Variants in NYAP2 observed in about 807,000 individuals in gnomAD.
NYAP2 encodes neuronal tyrosine-phosphorylated phosphoinositide-3-kinase adaptor 2.
NYAP2 carries 23 observed loss-of-function variants against 50.4 expected under a neutral mutation model. That is an observed-to-expected ratio of 0.46 (90% confidence interval 0.33 to 0.65). The LOEUF is 0.65. NYAP2 is among the 30% of genes least tolerant of loss of function. The probability of loss-of-function intolerance (pLI) is 0.02; values close to 1 mark genes in which losing one functional copy is unlikely to be tolerated. For synonymous variants in NYAP2, 394 were observed against 365.2 expected (o/e 1.08, Z -0.90); for missense variants, 885 against 861.0 (o/e 1.03, Z -0.35).
In NYAP2 at chr2:225,444,818, G is replaced by C. The variant is rs1270374576; in HGVS notation, c.221+35717G>C. Among the ~76,000 whole-genome samples, 9 of 152,158 alleles carry C rather than the reference G, an allele frequency of 5.9e-5. 1 individual carries two copies. The stretch of plus-strand genomic sequence containing the variant: ...CATTTCTCCAATCTACTCTGGAAAT[G>C]TTAATAATGTATATAATAGCATGTT... On this transcript the variant is annotated intron_variant, in intron 3 of 6. Coordinates refer to ENST00000636099, the Ensembl canonical transcript of NYAP2.
chr2:225,442,536 A>G (rs1005964279), intron 3 of NYAP2, among the ~76,000 whole-genome samples: 1 of 152,170 alleles, frequency 6.6e-6, no homozygotes, highest in Admixed American at 6.5e-5. Context: ...TGAGATGGTA[A>G]TTTATAAAGA....
chr2:225,676,909 G>T, the NYAP2 span, among the ~76,000 whole-genome samples: 3 of 152,152 alleles, frequency 2.0e-5, no homozygotes, highest in African/African-American at 7.2e-5. Flanking sequence ...GGTTCCAAAT[G>T]AATTTTAGAA....
intron 3 of NYAP2, among the ~76,000 whole-genome samples, chr2:225,430,808 A>G (rs1695356031): frequency 6.6e-6 from 1 of 152,238 alleles, no homozygotes; most frequent in African/African-American, 2.4e-5. Flanking sequence ...AAACTCTGTG[A>G]TGGAACATGT....
intron 4 of NYAP2, among the ~76,000 whole-genome samples, chr2:225,524,895 A>G (rs1383480411): frequency 6.6e-6 from 1 of 152,204 alleles, no homozygotes; most frequent in Non-Finnish European, 1.5e-5. Flanking sequence ...AAAGGAAAAA[A>G]TGAGTAACCC....
At chr2:225,398,174 G>T (rs370854292), upstream of NYAP2, among the ~76,000 whole-genome samples, 1 of 151,998 alleles carries the variant, frequency 6.6e-6, no homozygotes, top group East Asian at 1.9e-4. Flanking sequence ...AGGGGACTGA[G>T]AACCACTGTA....
intron 3 of NYAP2, among the ~76,000 whole-genome samples, chr2:225,458,340 C>T (rs954279315): frequency 6.6e-6 from 1 of 152,030 alleles, no homozygotes; most frequent in Non-Finnish European, 1.5e-5. Flanking sequence ...GACAGAAAAT[C>T]TACGTACTTT....
At chr2:225,599,121 G>C (rs1309613817) in intron 5 of NYAP2, among the ~76,000 whole-genome samples, 2 of 152,116 alleles carry the variant, frequency 1.3e-5, no homozygotes, top group Non-Finnish European at 2.9e-5. Context: ...AGAGAAGACT[G>C]TGGAAGCTAT....
chr2:225,479,382 A>G (rs1185541202), intron 3 of NYAP2, among the ~76,000 whole-genome samples: 1 of 152,200 alleles, frequency 6.6e-6, no homozygotes, highest in Non-Finnish European at 1.5e-5. Flanking sequence ...GATTATGCCA[A>G]CACGATCTAC....
chr2:225,492,850 A>C (rs1690432466), intron 3 of NYAP2, among the ~76,000 whole-genome samples: 1 of 152,176 alleles, frequency 6.6e-6, no homozygotes, highest in Non-Finnish European at 1.5e-5. Context: ...TGCCTCTGTG[A>C]TCCAAATACC....
chr2:225,663,715 G>A, the NYAP2 span, among the ~76,000 whole-genome samples: 42 of 152,128 alleles, frequency 2.8e-4, no homozygotes, highest in African/African-American at 8.2e-4. Flanking sequence ...ACACCACCAC[G>A]CCTGGCTAAT....
chr2:225,411,974 A>C (rs1420763375), intron 3 of NYAP2, among the ~76,000 whole-genome samples: 1 of 149,382 alleles, frequency 6.7e-6, no homozygotes, highest in African/African-American at 2.4e-5. Flanking sequence ...TAAATAAATA[A>C]TTTACAAATA....
intron 6 of NYAP2, among the ~76,000 whole-genome samples, chr2:225,643,248 A>G (rs1287465176): frequency 6.6e-6 from 1 of 152,026 alleles, no homozygotes; most frequent in East Asian, 1.9e-4. Context: ...GGATTTTGCC[A>G]TAGAGATTTT....
chr2:225,570,457 G>A (rs1005992401), intron 4 of NYAP2, among the ~76,000 whole-genome samples: 5 of 152,168 alleles, frequency 3.3e-5, no homozygotes, highest in Non-Finnish European at 7.4e-5. Flanking sequence ...TCACAGTTCT[G>A]CATGGCTGGG....
At chr2:225,422,183 A>G (rs1367648138) in intron 3 of NYAP2, among the ~76,000 whole-genome samples, 4 of 152,234 alleles carry the variant, frequency 2.6e-5, no homozygotes, top group African/African-American at 9.6e-5. Context: ...AACATGGTAC[A>G]TGGTTCAACA....
chr2:225,585,935 C>T (rs1011136554), intron 5 of NYAP2, among the ~76,000 whole-genome samples: 1 of 152,118 alleles, frequency 6.6e-6, no homozygotes, highest in African/African-American at 2.4e-5. Flanking sequence ...CTGTTGATAC[C>T]TTAGGGACAG....
intron 3 of NYAP2, among the ~76,000 whole-genome samples, chr2:225,508,797 A>G (rs1690757812): frequency 6.6e-6 from 1 of 152,198 alleles, no homozygotes; most frequent in Non-Finnish European, 1.5e-5. Flanking sequence ...CCCATGGACA[A>G]CATAGCCTCA....
At chr2:225,555,206 C>A (rs984819118) in intron 4 of NYAP2, among the ~76,000 whole-genome samples, 1 of 152,132 alleles carries the variant, frequency 6.6e-6, no homozygotes, top group African/African-American at 2.4e-5. Flanking sequence ...GAGGTGTGAG[C>A]AGCCAAAATA....
chr2:225,494,040 T>A (rs1690457958), intron 3 of NYAP2, among the ~76,000 whole-genome samples: 2 of 152,322 alleles, frequency 1.3e-5, no homozygotes, highest in South Asian at 4.1e-4. Flanking sequence ...AATGCTACAC[T>A]CTTCTCTCTA....
intron 3 of NYAP2, among the ~76,000 whole-genome samples, chr2:225,508,031 A>C (rs1223878839): frequency 6.6e-6 from 1 of 152,242 alleles, no homozygotes; most frequent in Non-Finnish European, 1.5e-5. Flanking sequence ...TTCTGGAAAA[A>C]TAACCCTCCT....
Sources: gnomAD v4.1 joint callset for allele counts (sites outside exome capture counted in the v4.1 genomes callset) on GRCh38, gnomAD v4.1.1 for gene constraint, MANE v1.5 for transcripts, NCBI Gene and HGNC (gene_info 2026-07-23, HGNC 2026-07-21) for gene names.